The following LARGE1 variants were observed in gnomAD, a reference collection of about 807,000 sequenced individuals.
LARGE1 encodes LARGE xylosyl- and glucuronyltransferase 1.
LARGE1 carries 43 observed loss-of-function variants against 87.6 expected under a neutral mutation model. The ratio of observed to expected loss-of-function variants is 0.49; its 90% CI spans 0.38 to 0.63. The LOEUF (loss-of-function observed/expected upper bound fraction) is 0.63, where lower values mean the gene tolerates loss of function less well. Among genes scored for constraint, LARGE1 ranks in the 30% least tolerant of loss-of-function variants. The probability of loss-of-function intolerance (pLI) is 0.00; values close to 1 mark genes in which losing one functional copy is unlikely to be tolerated. For synonymous variants in LARGE1, 434 were observed against 394.6 expected (o/e 1.10, Z -1.18); for missense variants, 802 against 1,000.2 (o/e 0.80, Z 2.67).
rs1003001665 is a variant in LARGE1, at chr22:33,756,842, G to C, written c.106+4529C>G. Among the ~76,000 whole-genome samples the C allele has an allele frequency of 3.3e-5, 5 of 152,164 alleles. No individual in the cohort carries two copies. In the East Asian group the frequency reaches 5.8e-4, roughly 18 times the overall value. Reference sequence around the variant, plus strand: ...GCAGAGCCAGGGCGACAGCAGTGGTGAAAGATGGGAAACAACTGACGCAGC... The same window carrying C: ...GCAGAGCCAGGGCGACAGCAGTGGTCAAAGATGGGAAACAACTGACGCAGC... On this transcript the variant is annotated intron_variant, in intron 2 of 14. Transcript: ENST00000397394.
intron 2 of LARGE1, among the ~76,000 whole-genome samples, chr22:33,679,403 G>A (rs1162166230): frequency 1.3e-5 from 2 of 151,982 alleles, no homozygotes; most frequent in African/African-American, 4.8e-5. Flanking sequence ...GAGTAGAAAT[G>A]TCCACGAATC....
intron 12 of LARGE1, among the ~76,000 whole-genome samples, chr22:33,301,442 C>T (rs999600393): frequency 6.6e-6 from 1 of 152,132 alleles, no homozygotes; most frequent in African/African-American, 2.4e-5. Context: ...TGCTCCAAAT[C>T]ATCATCTAAA....
chr22:33,270,445 C>G (rs912017363), downstream of LARGE1, among the ~76,000 whole-genome samples: 4 of 152,158 alleles, frequency 2.6e-5, no homozygotes. Context: ...TTTTTGAAGC[C>G]AGCCAGATTT....
At chr22:33,238,455 C>T (rs948905941) in intron 11 of LARGE1, among the ~76,000 whole-genome samples, 8 of 151,976 alleles carry the variant, frequency 5.3e-5, no homozygotes, top group Admixed American at 1.3e-4. Flanking sequence ...ATTTAGTATA[C>T]CAAATATTAG....
intron 1 of LARGE1, among the ~76,000 whole-genome samples, chr22:33,891,070 G>A (rs77947832): frequency 6.9e-6 from 1 of 144,136 alleles, no homozygotes; most frequent in Admixed American, 6.7e-5. Context: ...AGCTGCATAC[G>A]GTTCTGTGAA....
At chr22:33,666,326 AG>A (rs747661067) in intron 2 of LARGE1, among the ~76,000 whole-genome samples, 25 of 152,228 alleles carry the variant, frequency 1.6e-4, no homozygotes, top group Admixed American at 5.2e-4. Flanking sequence ...TGGATGCAGA[AG>A]AAAGGAAAGA....
At chr22:33,761,319 C>A (rs1203016220) in intron 2 of LARGE1, 52 bp downstream of exon 2, 21 of 1,354,580 alleles carry the variant, frequency 1.6e-5, no homozygotes, top group Non-Finnish European at 2.0e-5. Context: ...TCTATGACAG[C>A]TAATGTTCCC....
At chr22:33,116,447 CG>C in the LARGE1 span, among the ~76,000 whole-genome samples, 1 of 152,114 alleles carries the variant, frequency 6.6e-6, no homozygotes, top group Non-Finnish European at 1.5e-5. Flanking sequence ...CTCCGCCTCC[CG>C]GGTTCACGCC....
intron 6 of LARGE1, among the ~76,000 whole-genome samples, chr22:33,506,729 C>T (rs2070783826): frequency 1.3e-5 from 2 of 152,060 alleles, no homozygotes; most frequent in South Asian, 2.1e-4. Context: ...GGTGAAACCC[C>T]GTCTCTAGTA....
intron 2 of LARGE1, among the ~76,000 whole-genome samples, chr22:33,745,876 C>T (rs1219283285): frequency 6.6e-6 from 1 of 152,100 alleles, no homozygotes; most frequent in Non-Finnish European, 1.5e-5. Context: ...AGGGAGAGGA[C>T]CAACTCTACC....
At chr22:33,817,658 G>C (rs891289867) in intron 1 of LARGE1, among the ~76,000 whole-genome samples, 12 of 152,040 alleles carry the variant, frequency 7.9e-5, no homozygotes, top group African/African-American at 2.9e-4. Flanking sequence ...TCAGCTGCCT[G>C]GTGAAGTTGG....
intron 12 of LARGE1, among the ~76,000 whole-genome samples, chr22:33,302,209 C>A (rs904881762): frequency 3.3e-5 from 5 of 152,206 alleles, no homozygotes; most frequent in Non-Finnish European, 4.4e-5. Flanking sequence ...CATGGGGGCA[C>A]CCTGGCTCCA....
At chr22:33,824,694 A>C (rs2062731403) in intron 1 of LARGE1, among the ~76,000 whole-genome samples, 1 of 152,254 alleles carries the variant, frequency 6.6e-6, no homozygotes. Flanking sequence ...TGGTGACTCC[A>C]GAATTTAAAA....
chr22:33,862,740 A>T (rs749087242), intron 1 of LARGE1, among the ~76,000 whole-genome samples: 1 of 152,180 alleles, frequency 6.6e-6, no homozygotes, highest in Non-Finnish European at 1.5e-5. Flanking sequence ...GTTATAAAAC[A>T]TAAGTTCTTC....
rs139948678 is a variant in LARGE1, at chr22:33,347,540, T to C, written c.1132-9739A>G. On this transcript the variant is annotated intron_variant, in intron 9 of 14. Transcript: ENST00000397394. ...CTTTGTCTAAGGGACAAAGAGCTTGTCATTTTTTCTTGAAGGAGTTTAAGC... is the reference window on the plus strand; with the variant it reads ...CTTTGTCTAAGGGACAAAGAGCTTGCCATTTTTTCTTGAAGGAGTTTAAGC... Among the ~76,000 whole-genome samples, 60 of 152,364 alleles carry C rather than the reference T, an allele frequency of 3.9e-4. No individual in the cohort carries two copies. In the East Asian group the frequency reaches 0.011, roughly 27 times the overall value.
At chr22:33,176,221 T>C (rs893420575) in intron 11 of LARGE1, among the ~76,000 whole-genome samples, 5 of 152,116 alleles carry the variant, frequency 3.3e-5, no homozygotes, top group Non-Finnish European at 7.4e-5. Context: ...ACCTAGGCAA[T>C]ATCATTCAGG....
chr22:33,594,704 T>A (rs1190699493), intron 5 of LARGE1, among the ~76,000 whole-genome samples: 1 of 152,192 alleles, frequency 6.6e-6, no homozygotes, highest in Non-Finnish European at 1.5e-5. Context: ...CCTCCTGGGT[T>A]CAAGCGATTC....
intron 6 of LARGE1, among the ~76,000 whole-genome samples, chr22:33,437,176 C>T (rs975575011): frequency 1.6e-4 from 25 of 152,262 alleles, no homozygotes; most frequent in African/African-American, 6.0e-4. Flanking sequence ...TTGGAAGCTC[C>T]GTTACTGCTT....
chr22:33,760,385 A>G (rs981433200), intron 2 of LARGE1, among the ~76,000 whole-genome samples: 1 of 151,990 alleles, frequency 6.6e-6, no homozygotes, highest in Admixed American at 6.6e-5. Flanking sequence ...GTTTGGGGAG[A>G]GCAAATCCTT....
Sources: gnomAD v4.1 joint callset for allele counts (sites outside exome capture counted in the v4.1 genomes callset) on GRCh38, gnomAD v4.1.1 for gene constraint, MANE v1.5 for transcripts, NCBI Gene and HGNC (gene_info 2026-07-23, HGNC 2026-07-21) for gene names.